The following BSDC1 variants were observed in gnomAD, a reference collection of about 807,000 sequenced individuals.
BSDC1 encodes the protein BSD domain containing 1.
BSDC1 carries 29 observed loss-of-function variants against 56.0 expected under a neutral mutation model. The observed-to-expected ratio is 0.52, with a 90% confidence interval of 0.39 to 0.71. The LOEUF is 0.71. Ranked by LOEUF, BSDC1 falls within the 30% of genes least tolerant of loss-of-function variation. The pLI is 0.00. For missense variants in BSDC1, 477 were observed against 548.5 expected, an observed-to-expected ratio of 0.87 and a Z score of 1.30; for synonymous variants, 210 against 215.3, an observed-to-expected ratio of 0.98 and a Z score of 0.21.
At chr1:32,384,844 A>T (rs1453781185) in intron 3 of BSDC1, among the ~76,000 whole-genome samples, 6 of 152,190 alleles carry the variant, frequency 3.9e-5, no homozygotes, top group Non-Finnish European at 8.8e-5. Context: ...ACAGGTAACA[A>T]TATTTGTTGA....
intron 9 of BSDC1, among the ~76,000 whole-genome samples, chr1:32,375,050 G>A (rs1367386203): frequency 2.6e-5 from 4 of 152,152 alleles, no homozygotes; most frequent in Non-Finnish European, 5.9e-5. Flanking sequence ...TACTCGGGAG[G>A]CTGAGGCAGG....
chr1:32,379,259 A>G (rs1332563706), intron 5 of BSDC1, among the ~76,000 whole-genome samples: 1 of 140,560 alleles, frequency 7.1e-6, no homozygotes, highest in Non-Finnish European at 1.6e-5. Context: ...ATTTTCCTCC[A>G]CTTCTCTGGT....
intron 2 of BSDC1, among the ~76,000 whole-genome samples, chr1:32,390,685 C>T (rs1642835138): frequency 6.6e-6 from 1 of 152,102 alleles, no homozygotes; most frequent in Admixed American, 6.5e-5. Flanking sequence ...CCAAGGTGGG[C>T]AGACTGCTTG....
chr1:32,370,783 G>A, intron 9 of BSDC1, among the ~76,000 whole-genome samples: 1 of 116,476 alleles, frequency 8.6e-6, no homozygotes, highest in Non-Finnish European at 1.6e-5. Context: ...CAGCCTGGGT[G>A]ACAGAGTGAG....
chr1:32,384,265 G>C lies in BSDC1; in HGVS notation c.190-268C>G, dbSNP rs540423876. The stretch of plus-strand genomic sequence containing the variant: ...TTCATCAAAATTTCAAGGTCAGTCA[G>C]GCCGGTCAAAACTTGGCCAGAGAAG... On this transcript the variant is annotated intron_variant, in intron 3 of 10. Coordinates refer to ENST00000455895, the MANE Select transcript of BSDC1 (RefSeq NM_018045.8). 1.9e-4 allele frequency among the ~76,000 whole-genome samples: 29 copies of C among 152,270 alleles called. No individual in the cohort carries two copies. The Middle Eastern group carries it at 0.014, about 71-fold the overall frequency.
chr1:32,376,455 C>CA lies in BSDC1; in HGVS notation c.962dup (p.Asp322GlyfsTer4). On this transcript the variant is annotated frameshift_variant, in exon 9 of 11. Transcript: ENST00000455895. LOFTEE classifies it high-confidence loss of function. ...GTGAGGGTCCAGTCTCACCCACATC[C>CA]ACAGCCAGGCCCTGTTCCTCCAAGG... is the stretch of plus-strand genomic sequence containing the variant. 6.2e-7 allele frequency: 1 copy of CA among 1,612,990 alleles called. No homozygotes were observed. Among genetic ancestry groups the CA allele is most frequent in the Non-Finnish European group, 8.5e-7 (1 of 1,179,136 alleles).
rs554472966 is a variant in BSDC1, at chr1:32,369,763, A to T, written c.1157-1213T>A. Reference sequence around the variant, plus strand: ...CTACACTGACCATCCTAGTTTAAAGAGCAACCCATCATCACCCTCACTCTG... The same window carrying T: ...CTACACTGACCATCCTAGTTTAAAGTGCAACCCATCATCACCCTCACTCTG... On this transcript the variant is annotated intron_variant, in intron 9 of 10. Coordinates refer to ENST00000455895, the MANE Select transcript of BSDC1 (RefSeq NM_018045.8). Among the ~76,000 whole-genome samples the T allele has an allele frequency of 9.0e-4, 137 of 152,326 alleles. 1 individual carries two copies. Among genetic ancestry groups the T allele is most frequent in the Non-Finnish European group, 4.3e-4 (29 of 68,026 alleles).
At chr1:32,382,697 CAAA>C (rs74997036) in intron 4 of BSDC1, among the ~76,000 whole-genome samples, 2 of 84,384 alleles carry the variant, frequency 2.4e-5, no homozygotes. Context: ...CTCATCGCTA[CAAA>C]AAAAAAAAAA....
In BSDC1 at chr1:32,378,677, C is replaced by A. The variant is rs925607451; in HGVS notation, c.528+47G>T. ...TGAACATGTCCCTCCCACCTCCCAA[C>A]ACCTCAAGCCTGGAGCTGGCTGAGG... On this transcript the variant is annotated intron_variant, in intron 6 of 10. Coordinates refer to ENST00000455895, the MANE Select transcript of BSDC1 (RefSeq NM_018045.8). This position sits in a 1 kb window ranked among gnomAD's most constrained non-coding sequence, Gnocchi z 5.2. 7.6e-7 allele frequency: 1 copy of A among 1,310,860 alleles called. No homozygotes were observed. Among genetic ancestry groups the A allele is most frequent in the South Asian group, 1.7e-5 (1 of 60,318 alleles). The allele number at this position is 1,310,860 out of a possible 1,614,324, so 81.2% of individuals were successfully genotyped here.
chr1:32,367,628 A>G, intron 10 of BSDC1: 1 of 985,486 alleles, frequency 1.0e-6, no homozygotes. Flanking sequence ...CCTGTCACTT[A>G]TTAGCTGGGA....
In BSDC1 at chr1:32,381,214, C is replaced by T. The variant is rs865972788; in HGVS notation, c.412G>A (p.Gly138Arg). Reference sequence around the variant, plus strand: ...CACCCGCTCAGTGCTACCCTCTCACCATCTGGTTCATTACAGTAGGTTGCT... The same window carrying T: ...CACCCGCTCAGTGCTACCCTCTCACTATCTGGTTCATTACAGTAGGTTGCT... ...DPATYCNEPD[G>R]PPELFDAWLS... Residue 138 changes from glycine (G) to arginine (R), a missense_variant and splice_region_variant, in exon 5 of 11, where the codon GGG becomes AGG. Coordinates refer to ENST00000455895, the MANE Select transcript of BSDC1 (RefSeq NM_018045.8). The T allele has an allele frequency of 1.2e-6, 2 of 1,613,786 alleles. No individual in the cohort carries two copies. Among genetic ancestry groups the T allele is most frequent in the Non-Finnish European group, 1.7e-6 (2 of 1,179,816 alleles).
At position 32,364,715 on chromosome 1, in the gene BSDC1, G is replaced by A. The variant is rs1641782841; in HGVS notation, c.*1907C>T. Among the ~76,000 whole-genome samples the A allele has an allele frequency of 6.6e-6, 1 of 152,220 alleles. No homozygotes were observed. The highest frequency in any genetic ancestry group is 6.5e-5 in the Admixed American group (1 of 15,280). On this transcript the variant is annotated 3_prime_UTR_variant, in exon 11 of 11. Transcript: ENST00000455895. ...GGCCTCCCAAAATGTTGGGATTACA[G>A]GCATGAGCCACTGCGCCTGGCATGA...
intron 9 of BSDC1, among the ~76,000 whole-genome samples, chr1:32,375,849 G>T (rs761230848): frequency 2.0e-5 from 3 of 152,218 alleles, no homozygotes; most frequent in Non-Finnish European, 2.9e-5. Flanking sequence ...TGCTAGTTAA[G>T]GGCATGGGCT....
intron 9 of BSDC1, among the ~76,000 whole-genome samples, chr1:32,373,762 T>C (rs1642180504): frequency 6.6e-6 from 1 of 152,194 alleles, no homozygotes; most frequent in African/African-American, 2.4e-5. Context: ...GCTCAAGCGA[T>C]CCACCTGCCT....
At chr1:32,367,805 A>T (rs1197615230) in intron 10 of BSDC1, 2 of 898,104 alleles carry the variant, frequency 2.2e-6, no homozygotes, top group Non-Finnish European at 2.7e-6. Context: ...CTCAGGCAAT[A>T]GCCCTAAGGT....
In BSDC1 at chr1:32,394,083, C is replaced by T. The variant is rs761138858; in HGVS notation, c.69G>A (p.Glu23=). ...WLQQSYQAVK[E]KSSEALEFMK... ...GAAGGGCACGGGCCCGGCTTACCTT[C>T]TCTTTGACTGCTTGGTAGCTCTGCT... The change falls in exon 2 of 11, where the codon GAG becomes GAA. Residue 23 remains glutamate, a synonymous_variant. Transcript: ENST00000455895. 6.2e-7 allele frequency: 1 copy of T among 1,608,722 alleles called. No homozygotes were observed. The highest frequency in any genetic ancestry group is 8.5e-7 in the Non-Finnish European group (1 of 1,177,950).
At chr1:32,367,951 G>A in intron 10 of BSDC1, 1 of 1,041,948 alleles carries the variant, frequency 9.6e-7, no homozygotes, top group South Asian at 3.5e-5. Context: ...TGTCTCCAAG[G>A]CCAAGTATAT....
chr1:32,388,108 T>G (rs957576233), intron 2 of BSDC1, among the ~76,000 whole-genome samples: 1 of 152,086 alleles, frequency 6.6e-6, no homozygotes, highest in Non-Finnish European at 1.5e-5. Context: ...CTTCCTGGAG[T>G]ATCTCAGTGG....
At chr1:32,367,812 A>G in intron 10 of BSDC1, 1 of 905,730 alleles carries the variant, frequency 1.1e-6, no homozygotes, top group Non-Finnish European at 1.3e-6. Flanking sequence ...AATAGCCCTA[A>G]GGTGTCTACA....
Sources: allele counts gnomAD v4.1 joint callset (sites outside exome capture counted in the v4.1 genomes callset), GRCh38; gene constraint gnomAD v4.1.1; non-coding constraint Gnocchi (gnomAD v3.1); transcripts MANE v1.5; gene names NCBI Gene and HGNC (gene_info 2026-07-23, HGNC 2026-07-21).